The following TRAPPC9 variants were observed in gnomAD, a reference collection of about 807,000 sequenced individuals.
TRAPPC9 encodes the protein trafficking protein particle complex subunit 9.
TRAPPC9 carries 83 observed loss-of-function variants against 124.0 expected under a neutral mutation model. The ratio of observed to expected loss-of-function variants is 0.67; its 90% CI spans 0.56 to 0.80. The LOEUF (loss-of-function observed/expected upper bound fraction) is 0.80, where lower values mean the gene tolerates loss of function less well. Among genes scored for constraint, TRAPPC9 ranks in the 30% least tolerant of loss-of-function variants. The pLI, the probability that TRAPPC9 is intolerant of heterozygous loss-of-function variation, is 0.00. For missense variants in TRAPPC9, 1,302 were observed against 1,508.3 expected (o/e 0.86, Z 2.27); for synonymous variants, 638 against 617.5 (o/e 1.03, Z -0.49).
chr8:139,963,127 G>A (rs1321237310), intron 19 of TRAPPC9, among the ~76,000 whole-genome samples: 1 of 152,166 alleles, frequency 6.6e-6, no homozygotes, highest in Non-Finnish European at 1.5e-5. Context: ...TATTTAATGT[G>A]GCCTGCATAT....
intron 17 of TRAPPC9, among the ~76,000 whole-genome samples, chr8:140,078,824 G>T (rs1021198924): frequency 1.3e-5 from 2 of 152,090 alleles, no homozygotes; most frequent in African/African-American, 4.8e-5. Context: ...CCAGTCAACA[G>T]GGGGCCTACC....
At chr8:140,350,647 G>A (rs942849967) in intron 9 of TRAPPC9, among the ~76,000 whole-genome samples, 11 of 151,964 alleles carry the variant, frequency 7.2e-5, no homozygotes, top group South Asian at 2.1e-4. Flanking sequence ...TGGAGAAGAC[G>A]GCACTGGAGG....
At chr8:140,196,008 G>A (rs1335746598) in intron 17 of TRAPPC9, among the ~76,000 whole-genome samples, 800 of 93,752 alleles carry the variant, frequency 8.5e-3, no homozygotes, top group East Asian at 0.031. Context: ...AAAACACTCA[G>A]CAATCCACTG....
intron 21 of TRAPPC9, among the ~76,000 whole-genome samples, chr8:139,881,855 C>T (rs1003938363): frequency 3.3e-5 from 5 of 152,330 alleles, no homozygotes; most frequent in East Asian, 1.9e-4. Flanking sequence ...CTCTTAATGC[C>T]GTGGGCCACA....
At chr8:139,993,601 A>G (rs2614748) in intron 18 of TRAPPC9, among the ~76,000 whole-genome samples, 140,040 of 152,264 alleles carry the variant, frequency 0.92, 64,577 homozygotes, top group Middle Eastern at 0.99. Context: ...ATGCAACATC[A>G]TTTATAAAAG....
intron 2 of TRAPPC9, 118 bp from the exon 3 acceptor site, chr8:140,439,315 T>C (rs1032140033): frequency 8.7e-7 from 1 of 1,154,972 alleles, no homozygotes; most frequent in Non-Finnish European, 1.2e-6. Flanking sequence ...AACTGTAGGC[T>C]CTATAATTTT....
chr8:140,373,374 G>A (rs868243105), intron 7 of TRAPPC9, among the ~76,000 whole-genome samples: 7 of 152,218 alleles, frequency 4.6e-5, no homozygotes, highest in South Asian at 4.1e-4. Flanking sequence ...CTCTGCTCCT[G>A]CAATGCCTCC....
intron 16 of TRAPPC9, among the ~76,000 whole-genome samples, chr8:140,246,731 G>A (rs2063996971): frequency 7.5e-6 from 1 of 134,058 alleles, no homozygotes; most frequent in Non-Finnish European, 1.6e-5. Flanking sequence ...ACTTGTAATC[G>A]CCCAGCACTT....
At chr8:140,129,967 A>T (rs1470937893) in intron 17 of TRAPPC9, among the ~76,000 whole-genome samples, 2 of 152,176 alleles carry the variant, frequency 1.3e-5, no homozygotes, top group Admixed American at 6.5e-5. Context: ...GCTTCGGAGG[A>T]ATCAGGGCCC....
intron 18 of TRAPPC9, among the ~76,000 whole-genome samples, chr8:139,997,066 T>G (rs137987340): frequency 0.017 from 2,589 of 152,256 alleles, 32 homozygotes; most frequent in Middle Eastern, 0.044. Context: ...TTTTTTTTAA[T>G]CCCTGCCTGG....
intron 17 of TRAPPC9, among the ~76,000 whole-genome samples, chr8:140,136,602 C>G (rs1385836857): frequency 6.6e-6 from 1 of 152,192 alleles, no homozygotes; most frequent in Admixed American, 6.5e-5. Flanking sequence ...CTTTGGGAGG[C>G]CGAGGCTGGT....
At chr8:140,287,817 T>C in intron 12 of TRAPPC9, 83 bp from the exon 13 acceptor site, 1 of 1,583,274 alleles carries the variant, frequency 6.3e-7, no homozygotes, top group Non-Finnish European at 8.6e-7. Flanking sequence ...AGACATTGGC[T>C]ATGGCACATC....
intron 7 of TRAPPC9, among the ~76,000 whole-genome samples, chr8:140,390,781 C>A (rs1563993056): frequency 6.6e-6 from 1 of 152,194 alleles, no homozygotes. Flanking sequence ...TCAGTTCCCT[C>A]TCTCTCCTTT....
chr8:140,101,342 G>T (rs2060574448), intron 17 of TRAPPC9, among the ~76,000 whole-genome samples: 2 of 151,878 alleles, frequency 1.3e-5, no homozygotes, highest in Non-Finnish European at 1.5e-5. Flanking sequence ...CACTATGTTG[G>T]CCAGGCTGGT....
chr8:140,050,206 A>G (rs1028568092), intron 17 of TRAPPC9, among the ~76,000 whole-genome samples: 15 of 152,220 alleles, frequency 9.9e-5, no homozygotes, highest in African/African-American at 3.4e-4. Context: ...TAAAGCCTCC[A>G]GTGCTTCATG....
intron 21 of TRAPPC9, among the ~76,000 whole-genome samples, chr8:139,748,861 G>T (rs1409349513): frequency 6.6e-6 from 1 of 152,126 alleles, no homozygotes; most frequent in African/African-American, 2.4e-5. Flanking sequence ...GCCCAGCAGG[G>T]CCTGTGTGTA....
At chr8:140,455,576 G>A (rs896224648) in intron 1 of TRAPPC9, among the ~76,000 whole-genome samples, 22 of 151,974 alleles carry the variant, frequency 1.4e-4, no homozygotes, top group African/African-American at 4.4e-4. Context: ...GACTACAGGC[G>A]CCCACCACCA....
chr8:140,152,044 C>T (rs980995754), intron 17 of TRAPPC9, among the ~76,000 whole-genome samples: 9 of 152,116 alleles, frequency 5.9e-5, no homozygotes, highest in Non-Finnish European at 8.8e-5. Flanking sequence ...TGCTTCCCAG[C>T]TCTATGACCT....
At chr8:140,191,940 C>T (rs576377982) in intron 17 of TRAPPC9, among the ~76,000 whole-genome samples, 1 of 152,200 alleles carries the variant, frequency 6.6e-6, no homozygotes, top group East Asian at 1.9e-4. Context: ...CACTTACTTA[C>T]TTCTCTGGGC....
Sources: gnomAD v4.1 joint callset for allele counts (sites outside exome capture counted in the v4.1 genomes callset) on GRCh38, gnomAD v4.1.1 for gene constraint, MANE v1.5 for transcripts, NCBI Gene and HGNC (gene_info 2026-07-23, HGNC 2026-07-21) for gene names.